Variants in SP100 observed in about 807,000 individuals in gnomAD.
SP100 encodes the protein nuclear autoantigen Sp-100.
Under a neutral mutation model 130.0 loss-of-function variants are expected in SP100, and 84 were observed. That is an observed-to-expected ratio of 0.65 (90% CI 0.54 to 0.77). The LOEUF (loss-of-function observed/expected upper bound fraction) is 0.77, where lower values mean the gene tolerates loss of function less well. SP100 is among the 30% of genes least tolerant of loss of function. The probability of loss-of-function intolerance (pLI) is 0.00; values close to 1 mark genes in which losing one functional copy is unlikely to be tolerated. For missense variants in SP100, 978 were observed against 1,052.2 expected (o/e 0.93, Z 0.97); for synonymous variants, 331 against 351.7 (o/e 0.94, Z 0.66).
intron 8 of SP100, among the ~76,000 whole-genome samples, chr2:230,456,126 G>A (rs775131250): frequency 2.0e-5 from 3 of 151,966 alleles, no homozygotes; most frequent in Non-Finnish European, 2.9e-5. Flanking sequence ...TTGTTTTCCC[G>A]GGACGGTCTT....
chr2:230,423,580 T>C (rs1027311924), intron 2 of SP100, among the ~76,000 whole-genome samples: 2 of 152,240 alleles, frequency 1.3e-5, no homozygotes, highest in African/African-American at 4.8e-5. Context: ...GTGTTCTGTT[T>C]CTAATACGTT....
intron 19 of SP100, among the ~76,000 whole-genome samples, chr2:230,502,729 C>T (rs1339775367): frequency 6.6e-6 from 1 of 152,158 alleles, no homozygotes. Context: ...AGCATCGTGG[C>T]TGTAACCGAG....
chr2:230,474,368 T>G, intron 16 of SP100, 26 bp from the exon 17 acceptor site: 1 of 1,350,470 alleles, frequency 7.4e-7, no homozygotes, highest in Non-Finnish European at 1.0e-6. Context: ...ATTACAGTTC[T>G]CTGACCACTA....
chr2:230,475,159 T>C (rs970027251), intron 17 of SP100, among the ~76,000 whole-genome samples: 2 of 152,140 alleles, frequency 1.3e-5, no homozygotes, highest in African/African-American at 2.4e-5. Flanking sequence ...CCACCAACAG[T>C]GTATGAGCAT....
chr2:230,514,448 T>TA lies in SP100; in HGVS notation c.2094+3284dup, dbSNP rs560613372. ...TTAGAGACTTATTATAGCCAGGAAATAATTAAGTCCAAATTGCAAGCAAAT... is the reference window on the plus strand; with the variant it reads ...TTAGAGACTTATTATAGCCAGGAAATAAATTAAGTCCAAATTGCAAGCAAAT... On this transcript the variant is annotated intron_variant, in intron 24 of 28. Transcript: ENST00000340126. Among the ~76,000 whole-genome samples, 526 of 152,262 alleles carry TA rather than the reference T, an allele frequency of 3.5e-3. 1 individual carries two copies. Among genetic ancestry groups the TA allele is most frequent in the Non-Finnish European group, 5.4e-3 (367 of 68,010 alleles).
At chr2:230,511,634 A>C (rs907022121) in intron 24 of SP100, among the ~76,000 whole-genome samples, 2 of 146,448 alleles carry the variant, frequency 1.4e-5, no homozygotes, top group African/African-American at 5.4e-5. Flanking sequence ...CGAGGTATGG[A>C]CTCTGTCATT....
chr2:230,416,421 A>C, intron 1 of SP100, 93 bp downstream of exon 1: 2 of 1,086,326 alleles, frequency 1.8e-6, no homozygotes, highest in Non-Finnish European at 2.7e-6. Context: ...GCTTCACTTT[A>C]ATCCTTCTTT....
intron 18 of SP100, among the ~76,000 whole-genome samples, chr2:230,496,153 C>T (rs1389066008): frequency 6.6e-6 from 1 of 152,078 alleles, no homozygotes; most frequent in Non-Finnish European, 1.5e-5. Flanking sequence ...GCCTCTCTAC[C>T]TTAACTATTT....
At chr2:230,530,905 A>G (rs1239887280) in intron 24 of SP100, among the ~76,000 whole-genome samples, 1 of 152,250 alleles carries the variant, frequency 6.6e-6, no homozygotes, top group Non-Finnish European at 1.5e-5. Context: ...CGATCATTAA[A>G]AAGTCAGGAA....
chr2:230,534,972 G>A (rs12105380), intron 24 of SP100, among the ~76,000 whole-genome samples: 3,866 of 152,138 alleles, frequency 0.025, 159 homozygotes, highest in African/African-American at 0.088. Flanking sequence ...CAAGACGGGT[G>A]GATCACAAGG....
intron 1 of SP100, 140 bp downstream of exon 1, chr2:230,416,468 G>T: frequency 1.3e-6 from 1 of 761,686 alleles, no homozygotes; most frequent in Non-Finnish European, 2.1e-6. Flanking sequence ...ATAATGAAAT[G>T]AAAGACAAGT....
chr2:230,516,568 G>T, intron 24 of SP100: 1 of 152,140 alleles, frequency 6.6e-6, no homozygotes, highest in East Asian at 1.9e-4. Context: ...TGTTGGGTTA[G>T]CAATCTTCAT....
intron 2 of SP100, among the ~76,000 whole-genome samples, chr2:230,432,142 A>G (rs929489162): frequency 6.6e-6 from 1 of 152,102 alleles, no homozygotes; most frequent in Admixed American, 6.5e-5. Context: ...CATATATTAT[A>G]CGGTCTTTTA....
chr2:230,532,519 C>T (rs1691746069), intron 24 of SP100, among the ~76,000 whole-genome samples: 1 of 142,764 alleles, frequency 7.0e-6, no homozygotes, highest in Non-Finnish European at 1.5e-5. Flanking sequence ...GTGACATTCA[C>T]TTAGATTAAG....
At chr2:230,517,199 G>A (rs1050374719) in intron 24 of SP100, among the ~76,000 whole-genome samples, 5 of 152,108 alleles carry the variant, frequency 3.3e-5, no homozygotes, top group Non-Finnish European at 7.4e-5. Context: ...CTGGAAAATA[G>A]CAAAGTAAAT....
At position 230,539,454 on chromosome 2, in the gene SP100, C is replaced by T. The variant is rs934883224; in HGVS notation, c.2210+72C>T. 5 of 1,019,100 alleles carry T rather than the reference C, an allele frequency of 4.9e-6. No individual in the cohort carries two copies. The African/African-American group carries it at 7.9e-5, about 16-fold the overall frequency. 63.1% of individuals were successfully genotyped at this position (1,019,100 alleles called of 1,614,324 possible). The stretch of plus-strand genomic sequence containing the variant: ...CAGCTCCTCCTGCCACTCATGAGTA[C>T]TCTGCAGAGTTTCTGTACCTGGTTA... On this transcript the variant is annotated intron_variant, in intron 25 of 28. Transcript: ENST00000340126.
intron 11 of SP100, 47 bp downstream of exon 11, chr2:230,464,197 A>T: frequency 8.8e-7 from 1 of 1,138,784 alleles, no homozygotes; most frequent in East Asian, 2.4e-5. Context: ...TATCCAGAGT[A>T]CAAATCCAGA....
chr2:230,449,305 A>C, intron 6 of SP100, 155 bp downstream of exon 6: 1 of 850,184 alleles, frequency 1.2e-6, no homozygotes, highest in Non-Finnish European at 2.0e-6. Context: ...ACAAGTCCTT[A>C]TCCTCTAGGT....
At chr2:230,477,747 C>T (rs76055546) in intron 17 of SP100, among the ~76,000 whole-genome samples, 1,737 of 152,238 alleles carry the variant, frequency 0.011, 11 homozygotes, top group Non-Finnish European at 0.017. Context: ...CCAACTCCTT[C>T]CCAAGTCCAT....
Sources: gnomAD v4.1 joint callset for allele counts (sites outside exome capture counted in the v4.1 genomes callset) on GRCh38, gnomAD v4.1.1 for gene constraint, MANE v1.5 for transcripts, NCBI Gene and HGNC (gene_info 2026-07-23, HGNC 2026-07-21) for gene names.